Variants in HS2ST1 observed in about 807,000 individuals in gnomAD.
The protein encoded by HS2ST1 is heparan sulfate 2-O-sulfotransferase 1, also known as 2-O-sulfotransferase.
Under a neutral mutation model 42.9 loss-of-function variants are expected in HS2ST1, and 18 were observed. The ratio of observed to expected loss-of-function variants is 0.42; its 90% CI spans 0.29 to 0.62. HS2ST1 has a LOEUF of 0.62. Ranked by LOEUF, HS2ST1 falls within the 20% of genes least tolerant of loss-of-function variation. HS2ST1 has a pLI of 0.21. For synonymous variants in HS2ST1, 146 were observed against 152.9 expected, an observed-to-expected ratio of 0.95 and a Z score of 0.33; for missense variants, 334 against 433.8, an observed-to-expected ratio of 0.77 and a Z score of 2.04.
chr1:87,065,086 C>A (rs1324780562), intron 1 of HS2ST1, among the ~76,000 whole-genome samples: 2 of 152,220 alleles, frequency 1.3e-5, no homozygotes, highest in Non-Finnish European at 2.9e-5. Flanking sequence ...GGGCAGTCAA[C>A]TCACAGTAAG....
At chr1:86,970,681 A>C (rs552418188) in intron 1 of HS2ST1, among the ~76,000 whole-genome samples, 1 of 152,318 alleles carries the variant, frequency 6.6e-6, no homozygotes, top group South Asian at 2.1e-4. Context: ...GGCATGAGCC[A>C]CTGTGCCCTG....
chr1:86,991,137 C>T (rs1415129998), intron 1 of HS2ST1, among the ~76,000 whole-genome samples: 1 of 151,382 alleles, frequency 6.6e-6, no homozygotes, highest in Non-Finnish European at 1.5e-5. Flanking sequence ...CAGAATGGGC[C>T]CAGTGGGTAT....
At chr1:86,992,908 A>T in intron 1 of HS2ST1, 1 of 592,430 alleles carries the variant, frequency 1.7e-6, no homozygotes, top group South Asian at 2.9e-5. Flanking sequence ...ATTTAATAAG[A>T]TAAAAAGTAT....
chr1:87,060,356 A>G (rs772954468), intron 1 of HS2ST1, among the ~76,000 whole-genome samples: 5 of 152,184 alleles, frequency 3.3e-5, no homozygotes, highest in Non-Finnish European at 7.4e-5. Context: ...GTTCTATAAT[A>G]TTGTAGTGCT....
rs773981936 is a variant in HS2ST1, at chr1:87,072,954, G to A, written c.145G>A (p.Glu49Lys). The A allele has an allele frequency of 5.0e-6, 8 of 1,613,870 alleles. No homozygotes were observed. The highest frequency in any genetic ancestry group is 2.2e-5 in the South Asian group (2 of 91,068). ...TCCAGAAAGGGCTATTGCAAGACAC[G>A]AAGTCCGAGAAATTGAGCAGCGACA... ...SKLERAIARHEVREIEQRHTM... is the reference protein window; with the variant it reads ...SKLERAIARHKVREIEQRHTM... Residue 49 changes from glutamate to lysine, a missense_variant, in exon 2 of 7, where the codon GAA becomes AAA. Coordinates refer to ENST00000370550, the MANE Select transcript of HS2ST1 (RefSeq NM_012262.4).
intron 6 of HS2ST1, 107 bp from the exon 7 acceptor site, chr1:87,104,363 G>C (rs1250761793): frequency 3.5e-5 from 25 of 711,370 alleles, no homozygotes; most frequent in Non-Finnish European, 5.9e-5. Flanking sequence ...TATGTTACCT[G>C]TTCTTAATGT....
intron 3 of HS2ST1, among the ~76,000 whole-genome samples, chr1:87,091,279 AAG>A (rs1458101113): frequency 1.3e-5 from 2 of 151,994 alleles, no homozygotes; most frequent in Non-Finnish European, 2.9e-5. Context: ...AAGATATATA[AAG>A]AGAAATAGAA....
At chr1:87,027,103 G>A (rs1312679199) in intron 1 of HS2ST1, among the ~76,000 whole-genome samples, 1 of 152,076 alleles carries the variant, frequency 6.6e-6, no homozygotes, top group Non-Finnish European at 1.5e-5. Flanking sequence ...CAGATTTTTG[G>A]TTTTGAAATA....
intron 2 of HS2ST1, among the ~76,000 whole-genome samples, chr1:87,083,926 C>T (rs1651754056): frequency 6.6e-6 from 1 of 152,138 alleles, no homozygotes; most frequent in South Asian, 2.1e-4. Flanking sequence ...TGTAAATGTA[C>T]TCACTCTACA....
Position 86,982,960 on chromosome 1 carries a change from C to T in HS2ST1, c.124+67800C>T, listed in dbSNP as rs749253460. ...TTTGCTAAAGCATAGCAAGAGGGACCTTTGCTTCAATATCCAATAAATTAC... is the reference window on the plus strand; with the variant it reads ...TTTGCTAAAGCATAGCAAGAGGGACTTTTGCTTCAATATCCAATAAATTAC... On this transcript the variant is annotated intron_variant, in intron 1 of 6. Coordinates refer to ENST00000370550, the MANE Select transcript of HS2ST1 (RefSeq NM_012262.4). Among the ~76,000 whole-genome samples, 4 of 152,326 alleles carry T rather than the reference C, an allele frequency of 2.6e-5. No homozygotes were observed. In the South Asian group the frequency reaches 8.3e-4, roughly 32 times the overall value.
chr1:87,017,967 T>C (rs1043137592), intron 1 of HS2ST1, among the ~76,000 whole-genome samples: 1 of 152,176 alleles, frequency 6.6e-6, no homozygotes, highest in African/African-American at 2.4e-5. Flanking sequence ...AAAACAGGTT[T>C]AAGGAATTGA....
chr1:86,970,741 C>T (rs1256121714), intron 1 of HS2ST1, among the ~76,000 whole-genome samples: 2 of 152,070 alleles, frequency 1.3e-5, no homozygotes, highest in Non-Finnish European at 2.9e-5. Context: ...TGAATGTCCA[C>T]ATTTAAAGTT....
At chr1:87,007,952 AGT>A (rs1477157083) in intron 1 of HS2ST1, among the ~76,000 whole-genome samples, 2 of 152,206 alleles carry the variant, frequency 1.3e-5, no homozygotes, top group African/African-American at 2.4e-5. Context: ...TGCAAATTAA[AGT>A]AAAAGTTATT....
chr1:87,059,734 C>T (rs559855363), intron 1 of HS2ST1, among the ~76,000 whole-genome samples: 5 of 152,180 alleles, frequency 3.3e-5, no homozygotes, highest in African/African-American at 9.6e-5. Flanking sequence ...AGGCTATGGG[C>T]GTCTGGTAAA....
intron 1 of HS2ST1, among the ~76,000 whole-genome samples, chr1:87,037,964 G>GT (rs926503342): frequency 6.6e-6 from 1 of 151,956 alleles, no homozygotes; most frequent in African/African-American, 2.4e-5. Flanking sequence ...TCAAGCAAAT[G>GT]TTTTTCTAGT....
In HS2ST1 at chr1:87,092,394, TAC is replaced by T. The variant is rs546754706; in HGVS notation, c.450-133_450-132del. On this transcript the variant is annotated intron_variant, in intron 3 of 6. Coordinates refer to ENST00000370550, the MANE Select transcript of HS2ST1 (RefSeq NM_012262.4). ...ATAGTTCCCAATCGCCACATACACA[TAC>T]ACAAATTATTTAAATTAATTCATGT... The T allele has an allele frequency of 7.7e-4, 211 of 274,342 alleles. 1 individual carries two copies. The highest frequency in any genetic ancestry group is 5.8e-3 in the African/African-American group (194 of 33,202). The allele number at this position is 274,342 out of a possible 1,614,324, so 17.0% of individuals were successfully genotyped here.
intron 5 of HS2ST1, among the ~76,000 whole-genome samples, chr1:87,100,397 C>A (rs1317482183): frequency 6.6e-6 from 1 of 152,152 alleles, no homozygotes; most frequent in African/African-American, 2.4e-5. Context: ...GGAGCAATGT[C>A]CCAAGGCTTC....
At chr1:87,081,280 G>A (rs1300254431) in intron 2 of HS2ST1, among the ~76,000 whole-genome samples, 1 of 152,094 alleles carries the variant, frequency 6.6e-6, no homozygotes, top group African/African-American at 2.4e-5. Flanking sequence ...CAGCATATGG[G>A]TCATTGTCAA....
chr1:87,072,495 A>G (rs1410283982), intron 1 of HS2ST1, among the ~76,000 whole-genome samples: 5 of 72,634 alleles, frequency 6.9e-5, no homozygotes, highest in Non-Finnish European at 1.5e-4. Flanking sequence ...ATTCCATGCA[A>G]TCTTTGTGTG....
Sources: gnomAD v4.1 joint callset for allele counts (sites outside exome capture counted in the v4.1 genomes callset) on GRCh38, gnomAD v4.1.1 for gene constraint, MANE v1.5 for transcripts, NCBI Gene and HGNC (gene_info 2026-07-23, HGNC 2026-07-21) for gene names.